ZNF618: variants seen among roughly 807,000 people sequenced by gnomAD.
ZNF618 encodes zinc finger protein 618.
ZNF618 carries 34 observed loss-of-function variants against 103.0 expected under a neutral mutation model. That is an observed-to-expected ratio of 0.33 (90% CI 0.25 to 0.44). The LOEUF is 0.44. Ranked by LOEUF, ZNF618 falls within the 20% of genes least tolerant of loss-of-function variation. The probability of loss-of-function intolerance (pLI) is 1.00; values close to 1 mark genes in which losing one functional copy is unlikely to be tolerated. For missense variants in ZNF618, 1,059 were observed against 1,295.4 expected, an observed-to-expected ratio of 0.82 and a Z score of 2.80; for synonymous variants, 551 against 542.2, an observed-to-expected ratio of 1.02 and a Z score of -0.23.
At chr9:114,031,957 A>T (rs1479429574) in intron 11 of ZNF618, among the ~76,000 whole-genome samples, 3 of 152,210 alleles carry the variant, frequency 2.0e-5, no homozygotes, top group Non-Finnish European at 4.4e-5. Context: ...GTTGGACCCT[A>T]TCTCTGCATT....
intron 1 of ZNF618, among the ~76,000 whole-genome samples, chr9:113,916,760 G>T (rs1273200742): frequency 6.6e-6 from 1 of 152,118 alleles, no homozygotes; most frequent in Non-Finnish European, 1.5e-5. Flanking sequence ...ACCCAACATG[G>T]TCCCTTAACA....
At chr9:113,972,942 AC>A (rs1838121036) in intron 2 of ZNF618, among the ~76,000 whole-genome samples, 1 of 152,062 alleles carries the variant, frequency 6.6e-6, no homozygotes, top group Non-Finnish European at 1.5e-5. Context: ...GGTGGCACAC[AC>A]CTGTAATCCC....
chr9:113,881,401 T>C (rs1168553521), intron 1 of ZNF618, among the ~76,000 whole-genome samples: 2 of 152,194 alleles, frequency 1.3e-5, no homozygotes, highest in African/African-American at 4.8e-5. Flanking sequence ...TTTCTCACAG[T>C]GTATTAAGGA....
At chr9:113,899,194 C>T (rs1427281419) in intron 1 of ZNF618, among the ~76,000 whole-genome samples, 1 of 151,772 alleles carries the variant, frequency 6.6e-6, no homozygotes, top group African/African-American at 2.4e-5. Flanking sequence ...TTTTAAAGTA[C>T]AGTTCAGTAA....
rs770342612 is a variant in ZNF618, at chr9:114,028,706, C to T, written c.845-27C>T. On this transcript the variant is annotated intron_variant, in intron 10 of 14. Transcript: ENST00000374126. ...TCACTCTGCCGGCTGGGAGGGCCCT[C>T]GGGGACTGAGAGCGTGACCCTCTCA... The T allele has an allele frequency of 2.4e-5, 37 of 1,540,332 alleles. No homozygotes were observed. The Middle Eastern group carries it at 5.0e-4, about 21-fold the overall frequency.
At chr9:113,996,676 G>C (rs1486862426) in intron 3 of ZNF618, among the ~76,000 whole-genome samples, 1 of 152,164 alleles carries the variant, frequency 6.6e-6, no homozygotes, top group African/African-American at 2.4e-5. Flanking sequence ...AATGGGAAGA[G>C]GAAAAGTCCG....
At chr9:113,983,235 GA>G (rs200495290) in intron 2 of ZNF618, among the ~76,000 whole-genome samples, 298 of 151,616 alleles carry the variant, frequency 2.0e-3, no homozygotes, top group African/African-American at 6.8e-3. Flanking sequence ...AATGATATAT[GA>G]AAAAAAAATT....
intron 9 of ZNF618, among the ~76,000 whole-genome samples, chr9:114,011,898 A>G (rs2133871345): frequency 6.6e-6 from 1 of 152,318 alleles, no homozygotes; most frequent in Non-Finnish European, 1.5e-5. Context: ...TACTTCCATG[A>G]TAATGGGCAG....
chr9:113,969,108 C>T lies in ZNF618; in HGVS notation c.34-9C>T. On this transcript the variant is annotated splice_polypyrimidine_tract_variant and intron_variant, in intron 1 of 14. Coordinates refer to ENST00000374126, the MANE Select transcript of ZNF618 (RefSeq NM_001318042.2). ...TGGCTGATGTAGGTGTTTTGGGTTTCTTTTGCAGGCTGACGGAGCCAGTGC... is the reference window on the plus strand; with the variant it reads ...TGGCTGATGTAGGTGTTTTGGGTTTTTTTTGCAGGCTGACGGAGCCAGTGC... 2 of 1,613,958 alleles carry T rather than the reference C, an allele frequency of 1.2e-6. No individual in the cohort carries two copies. Among genetic ancestry groups the T allele is most frequent in the Non-Finnish European group, 1.7e-6 (2 of 1,179,884 alleles).
chr9:113,968,492 G>T (rs1319991751), intron 1 of ZNF618, among the ~76,000 whole-genome samples: 1 of 152,178 alleles, frequency 6.6e-6, no homozygotes, highest in Non-Finnish European at 1.5e-5. Context: ...CCTGAGCACT[G>T]GTCTAGGAGT....
chr9:113,951,589 G>GTGTGTGTA lies in ZNF618; in HGVS notation c.34-17521_34-17520insATGTGTGT, dbSNP rs1564208407. ...TGTGTGTGTGTATATGTGTGTGTGT[G>GTGTGTGTA]TGTGTGTGTATATATATGTATATAT... On this transcript the variant is annotated intron_variant, in intron 1 of 14. Coordinates refer to ENST00000374126, the MANE Select transcript of ZNF618 (RefSeq NM_001318042.2). 8.4e-4 allele frequency among the ~76,000 whole-genome samples: 60 copies of GTGTGTGTA among 71,124 alleles called. 1 individual carries two copies. Among genetic ancestry groups the GTGTGTGTA allele is most frequent in the East Asian group, 3.2e-3 (5 of 1,550 alleles). 46.7% of individuals were successfully genotyped at this position (71,124 alleles called of 152,430 possible).
intron 12 of ZNF618, among the ~76,000 whole-genome samples, 174 bp from the exon 13 acceptor site, chr9:114,036,126 C>T (rs1033969352): frequency 6.6e-6 from 1 of 152,244 alleles, no homozygotes; most frequent in African/African-American, 2.4e-5. Context: ...TTCCTTCACC[C>T]AGCTTCTCCC....
At position 114,050,332 on chromosome 9, in the gene ZNF618, GTA is replaced by G; in HGVS notation, c.*167_*168del. The stretch of plus-strand genomic sequence containing the variant: ...TTTTTTTATATGTGTGTGTGTGCGT[GTA>G]TGTACACAGCCACACGTGTGTGCAC... On this transcript the variant is annotated 3_prime_UTR_variant, in exon 15 of 15. Coordinates refer to ENST00000374126, the MANE Select transcript of ZNF618 (RefSeq NM_001318042.2). 1.3e-6 allele frequency: 1 copy of G among 793,594 alleles called. No homozygotes were observed. Among genetic ancestry groups the G allele is most frequent in the Non-Finnish European group, 1.9e-6 (1 of 519,102 alleles). 49.2% of individuals were successfully genotyped at this position (793,594 alleles called of 1,614,324 possible).
chr9:113,903,473 CTG>C (rs1830722469), intron 1 of ZNF618, among the ~76,000 whole-genome samples: 1 of 140,758 alleles, frequency 7.1e-6, no homozygotes, highest in African/African-American at 2.6e-5. Flanking sequence ...AAATCTGCCT[CTG>C]TTTTTTTTTT....
At chr9:114,006,060 A>C (rs942441277) in intron 6 of ZNF618, among the ~76,000 whole-genome samples, 1 of 152,210 alleles carries the variant, frequency 6.6e-6, no homozygotes, top group Non-Finnish European at 1.5e-5. Context: ...GAGAATACGA[A>C]GAGGTGAAGC....
At chr9:113,927,955 G>A (rs768988976) in intron 1 of ZNF618, among the ~76,000 whole-genome samples, 1 of 152,116 alleles carries the variant, frequency 6.6e-6, no homozygotes, top group Non-Finnish European at 1.5e-5. Context: ...TAGGGGCAGT[G>A]GTTTGCTCTG....
At chr9:113,910,271 A>G (rs891956474) in intron 1 of ZNF618, among the ~76,000 whole-genome samples, 1 of 152,010 alleles carries the variant, frequency 6.6e-6, no homozygotes, top group Non-Finnish European at 1.5e-5. Context: ...ATGAGTCTCC[A>G]TTTCTGGCCT....
chr9:114,013,615 T>A (rs1204701557), intron 9 of ZNF618, among the ~76,000 whole-genome samples: 1 of 152,166 alleles, frequency 6.6e-6, no homozygotes, highest in Admixed American at 6.5e-5. Flanking sequence ...ATATTTTTAG[T>A]AGAGACGGGG....
intron 1 of ZNF618, among the ~76,000 whole-genome samples, chr9:113,964,493 G>T (rs947397300): frequency 4.0e-5 from 6 of 150,388 alleles, no homozygotes; most frequent in African/African-American, 1.5e-4. Context: ...ACCGCTTCCC[G>T]GGCAATGAAG....
Sources: gnomAD v4.1 joint callset for allele counts (sites outside exome capture counted in the v4.1 genomes callset) on GRCh38, gnomAD v4.1.1 for gene constraint, MANE v1.5 for transcripts, NCBI Gene and HGNC (gene_info 2026-07-23, HGNC 2026-07-21) for gene names.